Variants in PSD3 observed in about 807,000 individuals in gnomAD.
PSD3 encodes the protein pleckstrin and Sec7 domain containing 3.
PSD3 carries 49 observed loss-of-function variants against 105.5 expected under a neutral mutation model. The observed-to-expected ratio is 0.46, with a 90% CI of 0.37 to 0.59. The LOEUF (loss-of-function observed/expected upper bound fraction) is 0.59. Among genes scored for constraint, PSD3 ranks in the 20% least tolerant of loss-of-function variants. The probability of loss-of-function intolerance (pLI) is 0.00; values close to 1 mark genes in which losing one functional copy is unlikely to be tolerated. For missense variants in PSD3, 1,561 were observed against 1,263.8 expected (o/e 1.24, Z -3.57); for synonymous variants, 557 against 457.8 (o/e 1.22, Z -2.77).
At chr8:18,800,986 G>A (rs141502372) in intron 7 of PSD3, 4 of 193,376 alleles carry the variant, frequency 2.1e-5, no homozygotes, top group Non-Finnish European at 3.1e-5. Flanking sequence ...AATAATTTAA[G>A]TAAGAGTAGA....
chr8:18,964,677 G>C (rs962718149), intron 1 of PSD3, among the ~76,000 whole-genome samples: 1 of 152,048 alleles, frequency 6.6e-6, no homozygotes, highest in Non-Finnish European at 1.5e-5. Context: ...GAGTGGTTCC[G>C]AACTGCCTAA....
At chr8:18,996,668 C>T (rs1278785879) in intron 1 of PSD3, among the ~76,000 whole-genome samples, 8 of 151,920 alleles carry the variant, frequency 5.3e-5, no homozygotes, top group Admixed American at 5.2e-4. Flanking sequence ...TTACTTCCTG[C>T]ATTTTTAAAA....
chr8:19,003,357 G>A lies in PSD3; in HGVS notation c.21+10206C>T, dbSNP rs185006011. Among the ~76,000 whole-genome samples the A allele has an allele frequency of 3.5e-3, 532 of 151,852 alleles. 11 individuals carry two copies. Among genetic ancestry groups the A allele is most frequent in the South Asian group, 0.026 (121 of 4,730 alleles). The stretch of plus-strand genomic sequence containing the variant: ...GGGAGTAGTCACTACACTCCAGCCT[G>A]GGCAACTGAGCAAGACCCCGTCTTT... On this transcript the variant is annotated intron_variant, in intron 1 of 15. Transcript: ENST00000327040.
At chr8:18,605,281 G>A (rs1246428465) in intron 11 of PSD3, among the ~76,000 whole-genome samples, 1 of 152,078 alleles carries the variant, frequency 6.6e-6, no homozygotes, top group Non-Finnish European at 1.5e-5. Flanking sequence ...AGTGTGCCCT[G>A]GATGTTAGAC....
chr8:18,654,627 T>C (rs1808753423), intron 10 of PSD3, among the ~76,000 whole-genome samples: 1 of 152,206 alleles, frequency 6.6e-6, no homozygotes, highest in Admixed American at 6.5e-5. Flanking sequence ...TTTAATAGTA[T>C]TTCTCAAAGT....
chr8:18,896,604 G>C (rs1380309511), intron 2 of PSD3, among the ~76,000 whole-genome samples: 1 of 151,990 alleles, frequency 6.6e-6, no homozygotes, highest in Non-Finnish European at 1.5e-5. Context: ...GTAGAGATGA[G>C]GTTTCACCAG....
intron 15 of PSD3, among the ~76,000 whole-genome samples, chr8:18,553,220 G>C (rs1308995966): frequency 1.3e-5 from 2 of 152,204 alleles, no homozygotes; most frequent in Non-Finnish European, 2.9e-5. Flanking sequence ...GAAACCAAGG[G>C]AGGCCCTGTT....
chr8:19,055,136 C>T (rs950294339), intron 1 of PSD3, among the ~76,000 whole-genome samples: 8 of 152,194 alleles, frequency 5.3e-5, no homozygotes, highest in Non-Finnish European at 8.8e-5. Flanking sequence ...TGCATTAATC[C>T]ACTGAGAGCC....
intron 10 of PSD3, among the ~76,000 whole-genome samples, chr8:18,635,908 G>A (rs534023031): frequency 6.6e-6 from 1 of 152,096 alleles, no homozygotes; most frequent in African/African-American, 2.4e-5. Flanking sequence ...GGCAAGGGGA[G>A]GGAGGAGAGC....
intron 9 of PSD3, among the ~76,000 whole-genome samples, chr8:18,742,197 A>G (rs1172446204): frequency 6.6e-6 from 1 of 152,200 alleles, no homozygotes; most frequent in Non-Finnish European, 1.5e-5. Flanking sequence ...ATTTCCTTGC[A>G]ATATACCTCT....
At chr8:18,826,240 T>C (rs951575622) in intron 4 of PSD3, among the ~76,000 whole-genome samples, 3 of 152,202 alleles carry the variant, frequency 2.0e-5, no homozygotes, top group African/African-American at 7.2e-5. Flanking sequence ...GAGGCTTCCC[T>C]GGGTCTCCAG....
chr8:18,538,137 C>T (rs1456363510), intron 15 of PSD3, among the ~76,000 whole-genome samples: 1 of 152,220 alleles, frequency 6.6e-6, no homozygotes, highest in African/African-American at 2.4e-5. Context: ...TGGATCCAAC[C>T]CTAAGGCTAC....
At chr8:18,781,679 G>A (rs1053768472) in intron 8 of PSD3, among the ~76,000 whole-genome samples, 6 of 152,160 alleles carry the variant, frequency 3.9e-5, no homozygotes, top group Non-Finnish European at 8.8e-5. Context: ...GTGGCATGGA[G>A]AAGGCCTTTC....
chr8:18,787,828 C>T (rs1809324566), intron 8 of PSD3, among the ~76,000 whole-genome samples: 1 of 152,058 alleles, frequency 6.6e-6, no homozygotes, highest in Admixed American at 6.6e-5. Flanking sequence ...TAATACATTC[C>T]CATAAACAAT....
chr8:18,878,478 G>A (rs1348978704), intron 2 of PSD3, among the ~76,000 whole-genome samples: 1 of 152,128 alleles, frequency 6.6e-6, no homozygotes, highest in Non-Finnish European at 1.5e-5. Flanking sequence ...TGAAGTAGGA[G>A]GCAGCCCATG....
intron 4 of PSD3, among the ~76,000 whole-genome samples, chr8:18,837,090 G>C (rs1053317666): frequency 2.0e-4 from 30 of 152,236 alleles, no homozygotes; most frequent in African/African-American, 5.8e-4. Context: ...AGGTAGGAGT[G>C]AGGAGCTATG....
intron 9 of PSD3, chr8:18,730,229 T>C (rs1201760794): frequency 6.6e-6 from 1 of 152,090 alleles, no homozygotes; most frequent in Non-Finnish European, 1.5e-5. Context: ...CACACAACAA[T>C]AAAATGAGGA....
chr8:18,702,210 T>C (rs1801622423), intron 9 of PSD3, among the ~76,000 whole-genome samples: 1 of 152,216 alleles, frequency 6.6e-6, no homozygotes. Flanking sequence ...TTTAAGATCA[T>C]CTTGAAATAT....
chr8:18,598,604 T>C (rs551227019), intron 12 of PSD3, among the ~76,000 whole-genome samples: 14 of 152,046 alleles, frequency 9.2e-5, no homozygotes, highest in African/African-American at 2.7e-4. Flanking sequence ...CTTTCATGAT[T>C]TGAAAAACCC....
Sources: allele counts gnomAD v4.1 joint callset (sites outside exome capture counted in the v4.1 genomes callset), GRCh38; gene constraint gnomAD v4.1.1; transcripts MANE v1.5; gene names NCBI Gene and HGNC (gene_info 2026-07-23, HGNC 2026-07-21).